The following BAG4 variants were observed in gnomAD, a reference collection of about 807,000 sequenced individuals.
BAG4 encodes BAG cochaperone 4.
In BAG4, 28 loss-of-function variants were observed where a neutral mutation model predicts 52.1. The ratio of observed to expected loss-of-function variants is 0.54; its 90% confidence interval spans 0.40 to 0.74. The LOEUF (loss-of-function observed/expected upper bound fraction) is 0.74. Among genes scored for constraint, BAG4 ranks in the 30% least tolerant of loss-of-function variants. The pLI is 0.00. For missense variants in BAG4, 525 were observed against 572.0 expected (o/e 0.92, Z 0.84); for synonymous variants, 208 against 217.0 (o/e 0.96, Z 0.37).
At chr8:38,201,035 T>A (rs1365933179) in intron 2 of BAG4, among the ~76,000 whole-genome samples, 1 of 152,244 alleles carries the variant, frequency 6.6e-6, no homozygotes, top group Non-Finnish European at 1.5e-5. Context: ...CTGATTTCAC[T>A]GATCTTACTG....
At chr8:38,193,643 G>A (rs1420761585) in intron 2 of BAG4, among the ~76,000 whole-genome samples, 2 of 151,736 alleles carry the variant, frequency 1.3e-5, no homozygotes, top group African/African-American at 4.8e-5. Flanking sequence ...TCAGCTCACT[G>A]CACCCTCCTC....
chr8:38,181,228 C>CTT (rs568888187), intron 1 of BAG4, among the ~76,000 whole-genome samples: 7,214 of 142,900 alleles, frequency 0.05, 576 homozygotes, highest in African/African-American at 0.17. Flanking sequence ...CGCGCCCAGC[C>CTT]TTTTTTTTTT....
chr8:38,207,880 A>G (rs1803799570), intron 3 of BAG4, 114 bp downstream of exon 3: 1 of 1,326,004 alleles, frequency 7.5e-7, no homozygotes, highest in African/African-American at 1.5e-5. Flanking sequence ...CTAGATTGGG[A>G]AGGCTTTTAT....
chr8:38,191,491 G>A (rs1055180448), intron 1 of BAG4, among the ~76,000 whole-genome samples: 1 of 152,162 alleles, frequency 6.6e-6, no homozygotes, highest in African/African-American at 2.4e-5. Flanking sequence ...GCACAGTGTG[G>A]CTCACGCCTG....
chr8:38,213,101 T>C lies in BAG4; in HGVS notation c.*2608T>C, dbSNP rs1020242980. Reference sequence around the variant, plus strand: ...AGTTGGTAATCTATCTCAGAAAATATATGAACTTAAGAAGGAAAATAGTAT... The same window carrying C: ...AGTTGGTAATCTATCTCAGAAAATACATGAACTTAAGAAGGAAAATAGTAT... On this transcript the variant is annotated 3_prime_UTR_variant, in exon 5 of 5. Transcript: ENST00000287322. The C allele has an allele frequency of 6.6e-6, 1 of 152,218 alleles. No individual in the cohort carries two copies. The highest frequency in any genetic ancestry group is 2.4e-5 in the African/African-American group (1 of 41,458). The allele number at this position is 152,218 out of a possible 1,614,324, so 9.4% of individuals were successfully genotyped here.
At chr8:38,183,236 A>G (rs1263176713) in intron 1 of BAG4, among the ~76,000 whole-genome samples, 1 of 151,538 alleles carries the variant, frequency 6.6e-6, no homozygotes, top group Non-Finnish European at 1.5e-5. Context: ...TTTAGTAGAG[A>G]TGGGGTTTCA....
intron 2 of BAG4, chr8:38,201,862 ATATATATATATATATATATTTTTT>A (rs1803674059): frequency 1.6e-4 from 1 of 6,256 alleles, no homozygotes; most frequent in Non-Finnish European, 3.9e-4. Context: ...ATATATATAT[ATATATATATATATATATATTTTTT>A]TTTTTTTTTT....
In BAG4 at chr8:38,180,720, C is replaced by T. The variant is rs954065610; in HGVS notation, c.270+3581C>T. On this transcript the variant is annotated intron_variant, in intron 1 of 4. Coordinates refer to ENST00000287322, the MANE Select transcript of BAG4 (RefSeq NM_004874.4). Reference sequence around the variant, plus strand: ...AGTGTGGTCCATGGACTAGAAGCCTCGGTGTCACTTGTGAGGTTGATAGAA... The same window carrying T: ...AGTGTGGTCCATGGACTAGAAGCCTTGGTGTCACTTGTGAGGTTGATAGAA... Among the ~76,000 whole-genome samples the T allele has an allele frequency of 7.9e-5, 12 of 151,934 alleles. No individual in the cohort carries two copies. In the South Asian group the frequency reaches 1.0e-3, roughly 13 times the overall value.
chr8:38,188,029 T>G (rs1413034391), intron 1 of BAG4, among the ~76,000 whole-genome samples: 1 of 103,096 alleles, frequency 9.7e-6, no homozygotes, highest in African/African-American at 3.8e-5. Flanking sequence ...AGAGTGAGAC[T>G]CCGTCTCAAA....
chr8:38,204,669 C>T (rs1457530736), intron 2 of BAG4, among the ~76,000 whole-genome samples: 2 of 150,330 alleles, frequency 1.3e-5, no homozygotes, highest in African/African-American at 2.4e-5. Context: ...ACAAAAACAA[C>T]GCCTGTGAGA....
chr8:38,207,914 C>A, intron 3 of BAG4, 148 bp downstream of exon 3: 1 of 990,138 alleles, frequency 1.0e-6, no homozygotes, highest in Non-Finnish European at 1.4e-6. Context: ...TTATTTGTGG[C>A]AGCTATTGCA....
Position 38,177,407 on chromosome 8 carries a change from G to A in BAG4, c.270+268G>A, listed in dbSNP as rs549211547. On this transcript the variant is annotated intron_variant, in intron 1 of 4. Coordinates refer to ENST00000287322, the MANE Select transcript of BAG4 (RefSeq NM_004874.4). ...GACTTACTAAGCTTAGCAGCAGGCT[G>A]CAGATCTCTCTCCTGGGAGCGGTGC... Among the ~76,000 whole-genome samples, 4 of 152,352 alleles carry A rather than the reference G, an allele frequency of 2.6e-5. No individual in the cohort carries two copies. The South Asian group carries it at 8.3e-4, about 32-fold the overall frequency.
At chr8:38,206,930 G>C (rs758019121) in intron 2 of BAG4, among the ~76,000 whole-genome samples, 35 of 150,174 alleles carry the variant, frequency 2.3e-4, no homozygotes, top group Non-Finnish European at 4.4e-4. Flanking sequence ...ACAGATGTGT[G>C]CCATGAGGCC....
At chr8:38,189,797 A>AAACCTTTTAT (rs1803436861) in intron 1 of BAG4, among the ~76,000 whole-genome samples, 2 of 148,054 alleles carry the variant, frequency 1.4e-5, no homozygotes, top group African/African-American at 5.2e-5. Context: ...GTTTTGCATA[A>AAACCTTTTAT]AAGGTTAAAT....
chr8:38,205,079 A>G (rs1277068845), intron 2 of BAG4, among the ~76,000 whole-genome samples: 3 of 152,114 alleles, frequency 2.0e-5, no homozygotes, highest in African/African-American at 7.2e-5. Context: ...CACCCAGGCT[A>G]GAGAACAGTG....
At chr8:38,203,016 C>T (rs1259015691) in intron 2 of BAG4, 1 of 152,100 alleles carries the variant, frequency 6.6e-6, no homozygotes, top group East Asian at 1.9e-4. Flanking sequence ...GAGAGAAGGA[C>T]TCTTCAAAGA....
intron 4 of BAG4, chr8:38,209,556 T>C (rs2130693651): frequency 2.2e-6 from 1 of 447,858 alleles, no homozygotes; most frequent in East Asian, 4.1e-5. Flanking sequence ...ATTTTACTAC[T>C]TCAAATAATC....
intron 1 of BAG4, among the ~76,000 whole-genome samples, chr8:38,184,542 G>A: frequency 6.6e-6 from 1 of 152,146 alleles, no homozygotes; most frequent in Non-Finnish European, 1.5e-5. Context: ...GAGTGGCCAG[G>A]AGGTGGCGCC....
At chr8:38,192,090 A>G (rs544466307) in intron 1 of BAG4, among the ~76,000 whole-genome samples, 1 of 152,340 alleles carries the variant, frequency 6.6e-6, no homozygotes, top group South Asian at 2.1e-4. Context: ...CAAGGCAAAG[A>G]AGTTGGAGAT....
Sources: allele counts gnomAD v4.1 joint callset (sites outside exome capture counted in the v4.1 genomes callset), GRCh38; gene constraint gnomAD v4.1.1; transcripts MANE v1.5; gene names NCBI Gene and HGNC (gene_info 2026-07-23, HGNC 2026-07-21).